VIPAS39: variants seen among roughly 807,000 people sequenced by gnomAD.
VIPAS39 encodes the protein spermatogenesis-defective protein 39 homolog.
A neutral mutation model predicts 84.7 loss-of-function variants in VIPAS39; 63 were observed. That is an observed-to-expected ratio of 0.74 (90% confidence interval 0.61 to 0.92). VIPAS39 has a LOEUF of 0.92. VIPAS39 is among the 40% of genes least tolerant of loss of function. The pLI is 0.00. For synonymous variants in VIPAS39, 192 were observed against 216.5 expected (o/e 0.89, Z 0.99); for missense variants, 499 against 604.5 (o/e 0.83, Z 1.83).
chr14:77,453,240 C>G, intron 3 of VIPAS39, 59 bp downstream of exon 3: 1 of 1,507,280 alleles, frequency 6.6e-7, no homozygotes, highest in Non-Finnish European at 9.2e-7. Context: ...ACAAGTAGAG[C>G]CTTTATCAGT....
intron 4 of VIPAS39, 50 bp from the exon 5 acceptor site, chr14:77,449,802 C>T (rs1222301954): frequency 6.2e-7 from 1 of 1,608,216 alleles, no homozygotes; most frequent in Admixed American, 1.7e-5. Flanking sequence ...TCAATCAGAG[C>T]CATCCAGGCT....
intron 18 of VIPAS39, 81 bp downstream of exon 18, chr14:77,428,925 C>T (rs2078474701): frequency 1.5e-6 from 2 of 1,332,094 alleles, no homozygotes; most frequent in Admixed American, 3.4e-5. Context: ...ACCTCAGGAT[C>T]TTGGACAGAG....
At chr14:77,428,242 G>A (rs961926822) in intron 19 of VIPAS39, 128 bp downstream of exon 19, 17 of 798,586 alleles carry the variant, frequency 2.1e-5, no homozygotes, top group Admixed American at 6.0e-5. Flanking sequence ...TGTGGCCAGA[G>A]GAGAGCCTTA....
At chr14:77,446,196 C>T (rs1228019609) in intron 7 of VIPAS39, among the ~76,000 whole-genome samples, 1 of 152,024 alleles carries the variant, frequency 6.6e-6, no homozygotes, top group Non-Finnish European at 1.5e-5. Flanking sequence ...ATATTTTCTT[C>T]TAGAAGTTTT....
At chr14:77,448,439 T>G in intron 7 of VIPAS39, 55 bp downstream of exon 7, 1 of 1,529,760 alleles carries the variant, frequency 6.5e-7, no homozygotes, top group Admixed American at 1.7e-5. Context: ...ATCTTCCCTG[T>G]GTGAACAAGC....
At position 77,441,055 on chromosome 14, in the gene VIPAS39, G is replaced by T. The variant is rs754961879; in HGVS notation, c.762+11C>A. On this transcript the variant is annotated intron_variant, in intron 11 of 19. Transcript: ENST00000557658. ...AAACAGGTACCCAACTGAAACAAAG[G>T]CCACACTTACCGCAAGCTCTTCTGT... 6.2e-7 allele frequency: 1 copy of T among 1,613,200 alleles called. No homozygotes were observed. Among genetic ancestry groups the T allele is most frequent in the South Asian group, 1.1e-5 (1 of 91,074 alleles).
chr14:77,441,145 G>C (rs760353557), intron 10 of VIPAS39, 52 bp from the exon 11 acceptor site: 266 of 1,606,196 alleles, frequency 1.7e-4, no homozygotes, highest in Non-Finnish European at 2.1e-4. Flanking sequence ...ATGTGTGGCA[G>C]TATAACCTCA....
chr14:77,435,990 G>A (rs544245840), intron 12 of VIPAS39, 71 bp from the exon 13 acceptor site: 22 of 1,495,118 alleles, frequency 1.5e-5, no homozygotes, highest in South Asian at 4.5e-5. Context: ...AAACCAAATC[G>A]CCAGCATAAG....
chr14:77,457,458 C>T, intron 1 of VIPAS39, 37 bp downstream of exon 1: 1 of 1,490,344 alleles, frequency 6.7e-7, no homozygotes, highest in Non-Finnish European at 9.0e-7. Context: ...CTGGATCCAG[C>T]CAGATACGCG....
In VIPAS39 at chr14:77,441,652, C is replaced by CT. The variant is rs570538362; in HGVS notation, c.735-560dup. ...GAAGGAGGGAGGAAGCAGCCAGCCT[C>CT]TGTGACCATGTCTTCTTTTGCAAAT... On this transcript the variant is annotated intron_variant, in intron 10 of 19. Transcript: ENST00000557658. 1.6e-4 allele frequency among the ~76,000 whole-genome samples: 24 copies of CT among 152,246 alleles called. No individual in the cohort carries two copies. The East Asian group carries it at 4.6e-3, about 29-fold the overall frequency.
rs1346194978 is a variant in VIPAS39, at chr14:77,448,554, G to A, written c.448-4C>T. The A allele has an allele frequency of 2.5e-6, 4 of 1,614,062 alleles. No homozygotes were observed. Among genetic ancestry groups the A allele is most frequent in the African/African-American group, 1.3e-5 (1 of 75,020 alleles). ...GGCTCCAGTCATTGCTGTAATCCTG[G>A]AATATTAGCAATACGTGAATCCCAG... On this transcript the variant is annotated splice_region_variant and splice_polypyrimidine_tract_variant and intron_variant, in intron 6 of 19. Transcript: ENST00000557658.
At chr14:77,441,188 A>G (rs1487315380) in intron 10 of VIPAS39, 95 bp from the exon 11 acceptor site, 22 of 1,328,254 alleles carry the variant, frequency 1.7e-5, no homozygotes, top group African/African-American at 1.4e-5. Context: ...GAGAAACACA[A>G]TTCAAACTCA....
intron 16 of VIPAS39, among the ~76,000 whole-genome samples, chr14:77,432,635 G>A (rs551598262): frequency 9.2e-5 from 14 of 152,298 alleles, no homozygotes; most frequent in African/African-American, 3.4e-4. Flanking sequence ...GATGAACCTG[G>A]AGGACATTAT....
chr14:77,443,885 A>C (rs2078742292), intron 8 of VIPAS39, among the ~76,000 whole-genome samples: 1 of 151,954 alleles, frequency 6.6e-6, no homozygotes, highest in South Asian at 2.1e-4. Context: ...AAAAAAAAAA[A>C]AAAAAACTAG....
At chr14:77,430,321 A>C (rs1247967724) in intron 16 of VIPAS39, among the ~76,000 whole-genome samples, 1 of 152,198 alleles carries the variant, frequency 6.6e-6, no homozygotes, top group Non-Finnish European at 1.5e-5. Context: ...AAAAACAGAA[A>C]ATTTTTAAAC....
chr14:77,427,390 T>G lies in VIPAS39; in HGVS notation c.*226A>C. The G allele has an allele frequency of 1.7e-6, 1 of 587,536 alleles. No homozygotes were observed. Among genetic ancestry groups the G allele is most frequent in the Non-Finnish European group, 3.0e-6 (1 of 331,096 alleles). 36.4% of individuals were successfully genotyped at this position (587,536 alleles called of 1,614,324 possible). A position where few individuals can be genotyped will look rare whatever the true frequency, so the allele number is the denominator to read the frequency against. On this transcript the variant is annotated 3_prime_UTR_variant, in exon 20 of 20. Coordinates refer to ENST00000557658, the MANE Select transcript of VIPAS39 (RefSeq NM_001193315.2). ...CTCCCACCTTCATATGAGCACCAGG[T>G]GGAGAGAATCATTCTCATGACTCAA...
At chr14:77,435,021 G>A (rs1306143642) in intron 14 of VIPAS39, 1 of 567,434 alleles carries the variant, frequency 1.8e-6, no homozygotes, top group East Asian at 3.2e-5. Context: ...ACAGCACCAG[G>A]GACAGAACTT....
intron 7 of VIPAS39, 85 bp from the exon 8 acceptor site, chr14:77,444,426 T>C (rs570123045): frequency 2.5e-6 from 3 of 1,187,348 alleles, no homozygotes; most frequent in African/African-American, 3.1e-5. Context: ...TAAGCAATAA[T>C]GAAACAAAAT....
rs141155709 is a variant in VIPAS39 at position 77,443,158 on chromosome 14, G to C, written c.598-6C>G. 245 of 1,614,060 alleles carry C rather than the reference G, an allele frequency of 1.5e-4. No individual in the cohort carries two copies. In the African/African-American group the frequency reaches 2.8e-3, roughly 19 times the overall value. On this transcript the variant is annotated splice_region_variant and splice_polypyrimidine_tract_variant and intron_variant, in intron 8 of 19. Transcript: ENST00000557658. ...CTCTTCAGGAAAATCAGAACCTACA[G>C]GAAAAAAGAACAAAGACTGTGCAAA...
Sources: gnomAD v4.1 joint callset for allele counts (sites outside exome capture counted in the v4.1 genomes callset) on GRCh38, gnomAD v4.1.1 for gene constraint, MANE v1.5 for transcripts, NCBI Gene and HGNC (gene_info 2026-07-23, HGNC 2026-07-21) for gene names.